The following MDGA1 variants were observed in gnomAD, a reference collection of about 807,000 sequenced individuals.
The protein encoded by MDGA1 is MAM domain-containing glycosylphosphatidylinositol anchor protein 1.
MDGA1 carries 54 observed loss-of-function variants against 101.5 expected under a neutral mutation model. That is an observed-to-expected ratio of 0.53 (90% CI 0.43 to 0.67). The LOEUF is 0.67. MDGA1 is among the 30% of genes least tolerant of loss of function. The probability of loss-of-function intolerance (pLI) is 0.00; values close to 1 mark genes in which losing one functional copy is unlikely to be tolerated. For missense variants in MDGA1, 1,083 were observed against 1,323.8 expected (o/e 0.82, Z 2.82); for synonymous variants, 533 against 558.3 (o/e 0.95, Z 0.64).
rs1290603740 is a variant in MDGA1 at position 37,697,874 on chromosome 6, G to A, written c.-1063C>T. The A allele has an allele frequency of 6.6e-6, 1 of 151,618 alleles. No homozygotes were observed. Among genetic ancestry groups the A allele is most frequent in the Non-Finnish European group, 1.5e-5 (1 of 67,724 alleles). 9.4% of individuals were successfully genotyped at this position (151,618 alleles called of 1,614,324 possible). On this transcript the variant is annotated 5_prime_UTR_variant, in exon 1 of 17. Transcript: ENST00000434837. ...GCGCTCCGCTCGCTCAGCAACTTGG[G>A]CTTTGCTGTGCTGCTTTTTCGCCCC...
rs1762438899 is a variant in MDGA1, at chr6:37,697,099, G to A, written c.-288C>T. 3.3e-6 allele frequency: 1 copy of A among 302,126 alleles called. No homozygotes were observed. The highest frequency in any genetic ancestry group is 6.0e-6 in the Non-Finnish European group (1 of 165,996). 18.7% of individuals were successfully genotyped at this position (302,126 alleles called of 1,614,324 possible). ...GCGCCCCGACCCGAGGAGCCCGGCC[G>A]CCGAGCCGCCCCGGGTACCCAGGGC... On this transcript the variant is annotated 5_prime_UTR_variant, in exon 1 of 17. Transcript: ENST00000434837.
intron 1 of MDGA1, among the ~76,000 whole-genome samples, chr6:37,668,699 T>G (rs1761807156): frequency 6.6e-6 from 1 of 152,146 alleles, no homozygotes; most frequent in Non-Finnish European, 1.5e-5. Flanking sequence ...ATAAAAAGAA[T>G]AGTGTGTGAT....
In MDGA1 at chr6:37,658,218, C is replaced by A. The variant is rs774397180; in HGVS notation, c.382+27G>T. ...CTGGCCCGGGCTGGGCTGTCAGGGC[C>A]CGGGGAGAGAGGGGGCCTCAACTCA... On this transcript the variant is annotated intron_variant, in intron 3 of 16. Transcript: ENST00000434837. 9.7e-6 allele frequency: 15 copies of A among 1,541,598 alleles called. No individual in the cohort carries two copies. The Admixed American group carries it at 2.8e-4, about 28-fold the overall frequency.
Position 37,643,875 on chromosome 6 carries a change from G to C in MDGA1, c.2470C>G (p.Leu824Val). Residue 824 changes from leucine to valine, a missense_variant, in exon 14 of 17, where the codon CTC becomes GTC. Physicochemically the swap from Leu to Val is conservative, Grantham distance 32 (BLOSUM62 1). Around this residue, in one of 3 missense-constraint regions of MDGA1, gnomAD observed 657 missense variants for 771.4 expected, o/e 0.85. Coordinates refer to ENST00000434837, the MANE Select transcript of MDGA1 (RefSeq NM_153487.4). Reference sequence around the variant, plus strand: ...TAGAACTTGGCGCTGGCATTGTAGAGGGGACTCACTAACCTTGCACGGTCC... The same window carrying C: ...TAGAACTTGGCGCTGGCATTGTAGACGGGACTCACTAACCTTGCACGGTCC... ...LGDRARLVSP[L>V]YNASAKFYCV... 4 of 1,613,970 alleles carry C rather than the reference G, an allele frequency of 2.5e-6. No homozygotes were observed. Among genetic ancestry groups the C allele is most frequent in the Non-Finnish European group, 3.4e-6 (4 of 1,179,878 alleles).
In MDGA1 at chr6:37,696,002, A is replaced by C. The variant is rs1762410464; in HGVS notation, c.67+743T>G. ...TAACCACAGCGAGGCGTGCGGACGCAGGAGCAAGGCTGCGTGGCAGGAGGC... is the reference window on the plus strand; with the variant it reads ...TAACCACAGCGAGGCGTGCGGACGCCGGAGCAAGGCTGCGTGGCAGGAGGC... On this transcript the variant is annotated intron_variant, in intron 1 of 16. Coordinates refer to ENST00000434837, the MANE Select transcript of MDGA1 (RefSeq NM_153487.4). The surrounding 1 kb of genome is among the most constrained non-coding windows in gnomAD (Gnocchi z 5.6). Among the ~76,000 whole-genome samples the C allele has an allele frequency of 1.3e-5, 2 of 152,062 alleles. No individual in the cohort carries two copies.
chr6:37,689,486 T>TAGGAA (rs1762265147), intron 1 of MDGA1, among the ~76,000 whole-genome samples: 1 of 152,190 alleles, frequency 6.6e-6, no homozygotes, highest in Admixed American at 6.5e-5. Flanking sequence ...CCAGGCACTG[T>TAGGAA]GCTCAGAGCT....
chr6:37,696,014 G>T lies in MDGA1; in HGVS notation c.67+731C>A, dbSNP rs1220445801. On this transcript the variant is annotated intron_variant, in intron 1 of 16. Coordinates refer to ENST00000434837, the MANE Select transcript of MDGA1 (RefSeq NM_153487.4). This position sits in a 1 kb window ranked among gnomAD's most constrained non-coding sequence, Gnocchi z 5.6. The stretch of plus-strand genomic sequence containing the variant: ...GGCGTGCGGACGCAGGAGCAAGGCT[G>T]CGTGGCAGGAGGCAGAGTTTGGACA... 1.3e-5 allele frequency among the ~76,000 whole-genome samples: 2 copies of T among 152,220 alleles called. No individual in the cohort carries two copies. The highest frequency in any genetic ancestry group is 2.9e-5 in the Non-Finnish European group (2 of 68,040).
Position 37,635,874 on chromosome 6 carries a change from C to A in MDGA1, c.*1494G>T. On this transcript the variant is annotated 3_prime_UTR_variant, in exon 17 of 17. Transcript: ENST00000434837. Reference sequence around the variant, plus strand: ...GCACCCTACAAGCGAACACATCACTCAGGAAGGTGGACACACACGCTGACG... The same window carrying A: ...GCACCCTACAAGCGAACACATCACTAAGGAAGGTGGACACACACGCTGACG... The A allele has an allele frequency of 2.5e-6, 1 of 398,058 alleles. No homozygotes were observed. Among genetic ancestry groups the A allele is most frequent in the Non-Finnish European group, 4.4e-6 (1 of 225,970 alleles). 24.7% of individuals were successfully genotyped at this position (398,058 alleles called of 1,614,324 possible). A position where few individuals can be genotyped will look rare whatever the true frequency, so the allele number is the denominator to read the frequency against.
At chr6:37,691,228 C>A (rs979008903) in intron 1 of MDGA1, among the ~76,000 whole-genome samples, 1 of 152,134 alleles carries the variant, frequency 6.6e-6, no homozygotes, top group East Asian at 1.9e-4. Flanking sequence ...CCCTGCAAAT[C>A]AGAAGATCCG....
chr6:37,638,391 T>A lies in MDGA1; in HGVS notation c.2668-78A>T, dbSNP rs541161564. On this transcript the variant is annotated intron_variant, in intron 15 of 16. Transcript: ENST00000434837. This position sits in a 1 kb window ranked among gnomAD's most constrained non-coding sequence, Gnocchi z 4.8. Reference sequence around the variant, plus strand: ...ACCAGAGTGCTCCCTCGACCCCACCTTTCCCCTTAATCTACCTGGAAGTTC... The same window carrying A: ...ACCAGAGTGCTCCCTCGACCCCACCATTCCCCTTAATCTACCTGGAAGTTC... 2.0e-6 allele frequency: 3 copies of A among 1,505,146 alleles called. No individual in the cohort carries two copies. In the South Asian group the frequency reaches 3.7e-5, roughly 18 times the overall value. 93.2% of individuals were successfully genotyped at this position (1,505,146 alleles called of 1,614,324 possible). A position where few individuals can be genotyped will look rare whatever the true frequency, so the allele number is the denominator to read the frequency against.
chr6:37,683,789 T>C (rs1481080486), intron 1 of MDGA1, among the ~76,000 whole-genome samples: 1 of 152,242 alleles, frequency 6.6e-6, no homozygotes, highest in Non-Finnish European at 1.5e-5. Context: ...CCTGTCTCGC[T>C]TCCCCATTCC....
Position 37,672,148 on chromosome 6 carries a change from GA to G in MDGA1, c.68-8043del, listed in dbSNP as rs528798406. Among the ~76,000 whole-genome samples the G allele has an allele frequency of 5.2e-3, 739 of 142,360 alleles. 5 individuals carry two copies. Among genetic ancestry groups the G allele is most frequent in the South Asian group, 0.033 (150 of 4,480 alleles). The allele number at this position is 142,360 out of a possible 152,430, so 93.4% of individuals were successfully genotyped here. On this transcript the variant is annotated intron_variant, in intron 1 of 16. Transcript: ENST00000434837. ...AGAGTGAGACTCCATCTAAAAAAAA[GA>G]AAAAAAAAAAGTTCCTTCAGGCCGG...
Position 37,658,463 on chromosome 6 carries a change from G to A in MDGA1, c.208-44C>T, listed in dbSNP as rs201486025. Reference sequence around the variant, plus strand: ...CAGAGTCAGACTGTCAGACTCACACGGGGTGGGGGCCTCAGCGCTGAGTGC... The same window carrying A: ...CAGAGTCAGACTGTCAGACTCACACAGGGTGGGGGCCTCAGCGCTGAGTGC... On this transcript the variant is annotated intron_variant, in intron 2 of 16. Transcript: ENST00000434837. 634 of 1,557,908 alleles carry A rather than the reference G, an allele frequency of 4.1e-4. 5 individuals carry two copies. The Admixed American group carries it at 0.011, about 27-fold the overall frequency.
rs1171839998 is a variant in MDGA1 at position 37,697,027 on chromosome 6, G to GC, written c.-217dup. 1.9e-6 allele frequency: 1 copy of GC among 525,534 alleles called. No homozygotes were observed. The highest frequency in any genetic ancestry group is 3.4e-5 in the Admixed American group (1 of 29,182). The allele number at this position is 525,534 out of a possible 1,614,324, so 32.6% of individuals were successfully genotyped here. On this transcript the variant is annotated 5_prime_UTR_variant, in exon 1 of 17. Coordinates refer to ENST00000434837, the MANE Select transcript of MDGA1 (RefSeq NM_153487.4). ...CGCTGCCCGCGTGGGGACGCAGGGG[G>GC]CGCTGGCCCAGCCCCGGGTGCCTCG...
In MDGA1 at chr6:37,692,395, T is replaced by C. The variant is rs1206941128; in HGVS notation, c.67+4350A>G. Among the ~76,000 whole-genome samples, 4 of 151,982 alleles carry C rather than the reference T, an allele frequency of 2.6e-5. No individual in the cohort carries two copies. The East Asian group carries it at 7.7e-4, about 29-fold the overall frequency. On this transcript the variant is annotated intron_variant, in intron 1 of 16. Coordinates refer to ENST00000434837, the MANE Select transcript of MDGA1 (RefSeq NM_153487.4). The stretch of plus-strand genomic sequence containing the variant: ...CGGGTGGGTCATCTCCTAGCCCACC[T>C]TTCATGAGCCCAGCCATGAGATGAA...
At position 37,693,271 on chromosome 6, in the gene MDGA1, T is replaced by C. The variant is rs186224851; in HGVS notation, c.67+3474A>G. Among the ~76,000 whole-genome samples, 18 of 152,296 alleles carry C rather than the reference T, an allele frequency of 1.2e-4. 2 individuals carry two copies. Among genetic ancestry groups the C allele is most frequent in the Admixed American group, 8.5e-4 (13 of 15,298 alleles). On this transcript the variant is annotated intron_variant, in intron 1 of 16. Transcript: ENST00000434837. The stretch of plus-strand genomic sequence containing the variant: ...CACACCCAGATCAACACCCGGGAGA[T>C]GACACTGGGACACTCACTTCCTGAA...
intron 2 of MDGA1, among the ~76,000 whole-genome samples, chr6:37,661,623 A>G (rs4711509): frequency 0.6 from 90,777 of 152,090 alleles, 28,423 homozygotes; most frequent in East Asian, 0.85. Flanking sequence ...ACGAACAGAT[A>G]TGTACTTGGG....
At chr6:37,677,144 G>A (rs562103233) in intron 1 of MDGA1, among the ~76,000 whole-genome samples, 5 of 152,154 alleles carry the variant, frequency 3.3e-5, no homozygotes, top group Non-Finnish European at 5.9e-5. Flanking sequence ...GGCTTCAGGA[G>A]GTTCAAATTG....
intron 1 of MDGA1, among the ~76,000 whole-genome samples, chr6:37,693,938 A>G (rs1762364712): frequency 6.6e-6 from 1 of 152,172 alleles, no homozygotes; most frequent in Non-Finnish European, 1.5e-5. Flanking sequence ...ATCCTAGGGC[A>G]GGTGGTGGAC....
Sources: gnomAD v4.1 joint callset for allele counts (sites outside exome capture counted in the v4.1 genomes callset) on GRCh38, gnomAD v4.1.1 for gene constraint, gnomAD v4.1.1 regional missense constraint, Gnocchi (gnomAD v3.1) non-coding constraint, MANE v1.5 for transcripts, NCBI Gene and HGNC (gene_info 2026-07-23, HGNC 2026-07-21) for gene names.